PRKCH: variants seen among roughly 807,000 people sequenced by gnomAD.
The protein encoded by PRKCH is protein kinase C eta type.
PRKCH carries 28 observed loss-of-function variants against 82.5 expected under a neutral mutation model. That is an observed-to-expected ratio of 0.34 (90% CI 0.25 to 0.47). The LOEUF (loss-of-function observed/expected upper bound fraction) is 0.47. Ranked by LOEUF, PRKCH falls within the 20% of genes least tolerant of loss-of-function variation. PRKCH has a pLI of 1.00. For missense variants in PRKCH, 705 were observed against 881.8 expected (o/e 0.80, Z 2.54); for synonymous variants, 322 against 327.4 (o/e 0.98, Z 0.18).
At chr14:61,497,710 T>C (rs1366554738) in intron 10 of PRKCH, among the ~76,000 whole-genome samples, 1 of 152,152 alleles carries the variant, frequency 6.6e-6, no homozygotes, top group Non-Finnish European at 1.5e-5. Flanking sequence ...ATTGAAACTA[T>C]TGAGTGTCTT....
chr14:61,438,267 G>T (rs1220617421), intron 2 of PRKCH, among the ~76,000 whole-genome samples: 1 of 152,070 alleles, frequency 6.6e-6, no homozygotes, highest in African/African-American at 2.4e-5. Flanking sequence ...TCTCAGTGTA[G>T]CCCCCTTAAA....
intron 9 of PRKCH, among the ~76,000 whole-genome samples, chr14:61,466,618 C>G (rs1885271317): frequency 6.6e-6 from 1 of 152,184 alleles, no homozygotes; most frequent in African/African-American, 2.4e-5. Context: ...ATTTGGAAAA[C>G]AGAAGACACT....
intron 1 of PRKCH, among the ~76,000 whole-genome samples, chr14:61,264,117 C>T (rs893183069): frequency 1.3e-5 from 2 of 152,028 alleles, no homozygotes; most frequent in African/African-American, 2.4e-5. Context: ...ATCAATTCCT[C>T]GGGTCCATAA....
intron 1 of PRKCH, among the ~76,000 whole-genome samples, chr14:61,275,075 T>C (rs937586164): frequency 1.3e-5 from 2 of 152,226 alleles, no homozygotes; most frequent in Non-Finnish European, 2.9e-5. Flanking sequence ...CTTTCCCATT[T>C]TGGATTCTTT....
At chr14:61,330,744 C>G (rs1369153313) in intron 1 of PRKCH, among the ~76,000 whole-genome samples, 1 of 152,184 alleles carries the variant, frequency 6.6e-6, no homozygotes, top group Admixed American at 6.5e-5. Flanking sequence ...TCTCTTGACT[C>G]ATTACTTGCT....
At chr14:61,476,079 C>T (rs12433212) in intron 9 of PRKCH, among the ~76,000 whole-genome samples, 38,156 of 152,160 alleles carry the variant, frequency 0.25, 4,932 homozygotes, top group South Asian at 0.38. Context: ...CTTAACTCTT[C>T]CACAAACTGT....
chr14:61,369,339 C>T (rs927578174), intron 1 of PRKCH, among the ~76,000 whole-genome samples: 3 of 152,072 alleles, frequency 2.0e-5, no homozygotes, highest in African/African-American at 2.4e-5. Flanking sequence ...CTTTGAGAAC[C>T]TCTGCATTAG....
rs1178898047 is a variant in PRKCH at position 61,502,068 on chromosome 14, T to C, written c.1433+16412T>C. Reference sequence around the variant, plus strand: ...TTCTTTTCTTTTCTTTTCTTTTCTTTTTTTTTTTTTTTTTCCGAGATGGAG... The same window carrying C: ...TTCTTTTCTTTTCTTTTCTTTTCTTCTTTTTTTTTTTTTTCCGAGATGGAG... On this transcript the variant is annotated intron_variant, in intron 10 of 13. Transcript: ENST00000332981. 1.0e-3 allele frequency among the ~76,000 whole-genome samples: 141 copies of C among 139,154 alleles called. 8 individuals carry two copies. The highest frequency in any genetic ancestry group is 3.7e-3 in the African/African-American group (139 of 37,720). 91.3% of individuals were successfully genotyped at this position (139,154 alleles called of 152,430 possible).
At chr14:61,219,151 G>A (rs1266343027) in intron 1 of PRKCH, among the ~76,000 whole-genome samples, 1 of 152,208 alleles carries the variant, frequency 6.6e-6, no homozygotes, top group Non-Finnish European at 1.5e-5. Context: ...GATCTCCATA[G>A]GTGTGTTATA....
chr14:61,502,930 C>T (rs1041133491), intron 10 of PRKCH, among the ~76,000 whole-genome samples: 1 of 151,320 alleles, frequency 6.6e-6, no homozygotes, highest in Non-Finnish European at 1.5e-5. Context: ...CGAGCCCTTC[C>T]TGGGGGATGT....
At chr14:61,370,453 A>G (rs1212474520) in intron 1 of PRKCH, among the ~76,000 whole-genome samples, 2 of 152,024 alleles carry the variant, frequency 1.3e-5, no homozygotes, top group African/African-American at 4.8e-5. Flanking sequence ...TAATAAGTGT[A>G]TCAGGAAATT....
intron 1 of PRKCH, among the ~76,000 whole-genome samples, chr14:61,227,516 C>A (rs2044706503): frequency 6.6e-6 from 1 of 152,132 alleles, no homozygotes; most frequent in South Asian, 2.1e-4. Flanking sequence ...ATGGCCTGAA[C>A]CTGGGAGGCA....
At chr14:61,389,232 C>T (rs1237088129) in intron 1 of PRKCH, among the ~76,000 whole-genome samples, 3 of 152,138 alleles carry the variant, frequency 2.0e-5, no homozygotes, top group East Asian at 1.9e-4. Context: ...TGCCTGTGGT[C>T]CCAGCTACTT....
chr14:61,351,972 C>T (rs999065703), intron 1 of PRKCH, among the ~76,000 whole-genome samples: 7 of 152,134 alleles, frequency 4.6e-5, no homozygotes, highest in African/African-American at 1.2e-4. Context: ...TGCTCCCTAA[C>T]GGAGAAGTTG....
At chr14:61,513,500 A>G (rs1048883695) in intron 10 of PRKCH, among the ~76,000 whole-genome samples, 3 of 152,122 alleles carry the variant, frequency 2.0e-5, no homozygotes, top group Admixed American at 1.3e-4. Context: ...AAGAGTGAAA[A>G]AGTCAGCCCA....
chr14:61,235,835 T>G (rs4433716), intron 1 of PRKCH, among the ~76,000 whole-genome samples: 6 of 152,000 alleles, frequency 3.9e-5, no homozygotes, highest in Non-Finnish European at 7.4e-5. Flanking sequence ...TCAGATAACA[T>G]GTATGGACAG....
At chr14:61,190,139 T>C (rs1011592201) in intron 1 of PRKCH, among the ~76,000 whole-genome samples, 2 of 152,154 alleles carry the variant, frequency 1.3e-5, no homozygotes, top group South Asian at 2.1e-4. Context: ...ATATTACATA[T>C]CATAATGTAC....
At chr14:61,349,825 C>T (rs1425853515) in intron 1 of PRKCH, among the ~76,000 whole-genome samples, 1 of 152,038 alleles carries the variant, frequency 6.6e-6, no homozygotes, top group East Asian at 1.9e-4. Context: ...CATGCCACTG[C>T]CCTCCAGCCT....
chr14:61,518,402 C>T lies in PRKCH; in HGVS notation c.1434-10673C>T, dbSNP rs560588475. ...GCTTCAGCCAGGGAATTTCAGCTCT[C>T]CTGGGTGGGATAGTGATAGGGGATG... is the stretch of plus-strand genomic sequence containing the variant. On this transcript the variant is annotated intron_variant, in intron 10 of 13. Coordinates refer to ENST00000332981, the MANE Select transcript of PRKCH (RefSeq NM_006255.5). Among the ~76,000 whole-genome samples the T allele has an allele frequency of 6.6e-5, 10 of 150,944 alleles. No individual in the cohort carries two copies. In the South Asian group the frequency reaches 2.1e-3, roughly 32 times the overall value.
Sources: allele counts gnomAD v4.1 joint callset (sites outside exome capture counted in the v4.1 genomes callset), GRCh38; gene constraint gnomAD v4.1.1; transcripts MANE v1.5; gene names NCBI Gene and HGNC (gene_info 2026-07-23, HGNC 2026-07-21).